NXN: variants seen among roughly 807,000 people sequenced by gnomAD.
NXN encodes the protein nucleoredoxin.
A neutral mutation model predicts 48.6 loss-of-function variants in NXN; 16 were observed. The observed-to-expected ratio is 0.33, with a 90% CI of 0.22 to 0.50. NXN has a LOEUF of 0.50. Ranked by LOEUF, NXN falls within the 20% of genes least tolerant of loss-of-function variation. The pLI is 0.98. For synonymous variants in NXN, 281 were observed against 269.6 expected (o/e 1.04, Z -0.41); for missense variants, 492 against 605.5 (o/e 0.81, Z 1.97).
intron 1 of NXN, among the ~76,000 whole-genome samples, chr17:847,440 C>T (rs951038194): frequency 6.6e-6 from 1 of 152,064 alleles, no homozygotes; most frequent in Non-Finnish European, 1.5e-5. Flanking sequence ...CAGAAGGGAC[C>T]GTTCTGCACG....
chr17:900,221 G>A (rs559091790), intron 1 of NXN, among the ~76,000 whole-genome samples: 3 of 152,210 alleles, frequency 2.0e-5, no homozygotes, highest in African/African-American at 7.2e-5. Context: ...AGCCAAGATT[G>A]CGCCATTGCA....
chr17:824,630 C>G (rs1226632006), intron 2 of NXN, among the ~76,000 whole-genome samples: 2 of 152,184 alleles, frequency 1.3e-5, no homozygotes, highest in Non-Finnish European at 2.9e-5. Flanking sequence ...CCCAGAGATT[C>G]TGATTCTATT....
intron 5 of NXN, among the ~76,000 whole-genome samples, chr17:809,014 G>T (rs1416276317): frequency 6.6e-6 from 1 of 152,110 alleles, no homozygotes; most frequent in Non-Finnish European, 1.5e-5. Flanking sequence ...TGATTATTTG[G>T]CTCGTGAGAA....
At chr17:856,238 A>G (rs1362438444) in intron 1 of NXN, among the ~76,000 whole-genome samples, 1 of 152,090 alleles carries the variant, frequency 6.6e-6, no homozygotes. Context: ...TGCCAAAAAT[A>G]TTTTGCATCA....
rs1482227341 is a variant in NXN at position 849,607 on chromosome 17, C to A, written c.361-23529G>T. ...CTGGCCCTCTCAGCCTCAGGGGCCG[C>A]TGGACTCCCTCTTCCCTCCCTCCAC... On this transcript the variant is annotated intron_variant, in intron 1 of 7. Coordinates refer to ENST00000336868, the MANE Select transcript of NXN (RefSeq NM_022463.5). The surrounding 1 kb of genome is among the most constrained non-coding windows in gnomAD (Gnocchi z 4.2). Among the ~76,000 whole-genome samples, 3 of 152,200 alleles carry A rather than the reference C, an allele frequency of 2.0e-5. No individual in the cohort carries two copies. The highest frequency in any genetic ancestry group is 7.2e-5 in the African/African-American group (3 of 41,460).
chr17:954,083 G>A (rs1037430070), intron 1 of NXN, among the ~76,000 whole-genome samples: 7 of 152,270 alleles, frequency 4.6e-5, no homozygotes, highest in Non-Finnish European at 1.0e-4. Flanking sequence ...CATTAGACAC[G>A]ATTCTCACTC....
At chr17:868,879 G>A (rs1314778101) in intron 1 of NXN, among the ~76,000 whole-genome samples, 1 of 152,220 alleles carries the variant, frequency 6.6e-6, no homozygotes, top group Non-Finnish European at 1.5e-5. Context: ...TGTAGGATAA[G>A]TAAATGAGCA....
chr17:865,577 T>C (rs1354094069), intron 1 of NXN, among the ~76,000 whole-genome samples: 1 of 152,020 alleles, frequency 6.6e-6, no homozygotes, highest in Non-Finnish European at 1.5e-5. Context: ...TGACAGTCTC[T>C]CCCCTCCAAG....
At chr17:866,488 C>G (rs1345418944) in intron 1 of NXN, among the ~76,000 whole-genome samples, 1 of 152,040 alleles carries the variant, frequency 6.6e-6, no homozygotes, top group Non-Finnish European at 1.5e-5. Context: ...CAGGAGAACC[C>G]TTGTACCCAG....
chr17:906,024 T>TTA (rs2068578574), intron 1 of NXN, among the ~76,000 whole-genome samples: 1 of 151,896 alleles, frequency 6.6e-6, no homozygotes, highest in Non-Finnish European at 1.5e-5. Flanking sequence ...GAAGTTAATC[T>TTA]TAATATATTT....
intron 1 of NXN, among the ~76,000 whole-genome samples, chr17:890,946 C>A (rs958055475): frequency 6.6e-6 from 1 of 152,146 alleles, no homozygotes. Context: ...TTCACGAATA[C>A]GGCCCCTCCA....
Position 825,704 on chromosome 17 carries a change from C to G in NXN, c.478+257G>C, listed in dbSNP as rs369232758. Reference sequence around the variant, plus strand: ...AGCCTCTGCGGCCCTCCAAGCGGAGCTTCTTACGGCAGAGTCCATCTCTTT... The same window carrying G: ...AGCCTCTGCGGCCCTCCAAGCGGAGGTTCTTACGGCAGAGTCCATCTCTTT... On this transcript the variant is annotated intron_variant, in intron 2 of 7. Coordinates refer to ENST00000336868, the MANE Select transcript of NXN (RefSeq NM_022463.5). The surrounding 1 kb of genome is among the most constrained non-coding windows in gnomAD (Gnocchi z 4.1). 8 of 386,682 alleles carry G rather than the reference C, an allele frequency of 2.1e-5. No homozygotes were observed. The highest frequency in any genetic ancestry group is 1.1e-4 in the African/African-American group (5 of 47,514). 24.0% of individuals were successfully genotyped at this position (386,682 alleles called of 1,614,324 possible).
intron 1 of NXN, 47 bp downstream of exon 1, chr17:979,272 A>ACGGGCGTGGGGGGCGGGCAGGGGTAC: frequency 1.0e-6 from 1 of 961,628 alleles, no homozygotes; most frequent in Non-Finnish European, 1.2e-6. Context: ...GGCAGGGGTA[A>ACGGGCGTGGGGGGCGGGCAGGGGTAC]CGGGCGTGGG....
intron 1 of NXN, among the ~76,000 whole-genome samples, chr17:868,727 C>CAG (rs2068120233): frequency 6.6e-6 from 1 of 152,072 alleles, no homozygotes; most frequent in African/African-American, 2.4e-5. Flanking sequence ...TTCCTGACCT[C>CAG]GTGATCCGCC....
intron 1 of NXN, among the ~76,000 whole-genome samples, chr17:940,864 G>T (rs2068965386): frequency 6.7e-6 from 1 of 150,112 alleles, no homozygotes; most frequent in Non-Finnish European, 1.5e-5. Context: ...AGATTCCAGG[G>T]TGCAGCCATG....
At chr17:954,394 C>T (rs751971276) in intron 1 of NXN, among the ~76,000 whole-genome samples, 3 of 152,094 alleles carry the variant, frequency 2.0e-5, no homozygotes, top group East Asian at 1.9e-4. Context: ...AAAAAAGAAA[C>T]GCTTCCCGCT....
rs1427865522 is a variant in NXN at position 932,159 on chromosome 17, C to T, written c.360+47160G>A. On this transcript the variant is annotated intron_variant, in intron 1 of 7. Coordinates refer to ENST00000336868, the MANE Select transcript of NXN (RefSeq NM_022463.5). The surrounding 1 kb of genome is among the most constrained non-coding windows in gnomAD (Gnocchi z 4.1). ...ACCCTATCTCAAAAATAAAACAAAA[C>T]GAACAATTTTAGAAATGTTTAATTA... is the stretch of plus-strand genomic sequence containing the variant. Among the ~76,000 whole-genome samples, 2 of 152,140 alleles carry T rather than the reference C, an allele frequency of 1.3e-5. No homozygotes were observed. The highest frequency in any genetic ancestry group is 2.1e-4 in the South Asian group (1 of 4,832).
At chr17:843,035 AGAAAGAAAGAAAGAAAGAAAGAAG>A (rs1283767991) in intron 1 of NXN, among the ~76,000 whole-genome samples, 323 of 141,582 alleles carry the variant, frequency 2.3e-3, no homozygotes, top group Middle Eastern at 7.2e-3. Context: ...AAAGAAAGAA[AGAAAGAAAGAAAGAAAGAAAGAAG>A]GAAGAAAGCA....
intron 1 of NXN, among the ~76,000 whole-genome samples, chr17:841,379 G>C (rs1420798629): frequency 1.5e-5 from 2 of 130,328 alleles, no homozygotes; most frequent in Non-Finnish European, 3.3e-5. Context: ...GCCCACACAC[G>C]GTGCATCTCA....
Sources: gnomAD v4.1 joint callset for allele counts (sites outside exome capture counted in the v4.1 genomes callset) on GRCh38, gnomAD v4.1.1 for gene constraint, Gnocchi (gnomAD v3.1) non-coding constraint, MANE v1.5 for transcripts, NCBI Gene and HGNC (gene_info 2026-07-23, HGNC 2026-07-21) for gene names.